The following PTPDC1 variants were observed in gnomAD, a reference collection of about 807,000 sequenced individuals.
PTPDC1 encodes the protein protein tyrosine phosphatase domain containing 1, also known as protein tyrosine phosphatase domain-containing protein 1.
In PTPDC1, 53 loss-of-function variants were observed where a neutral mutation model predicts 75.3. The observed-to-expected ratio is 0.70, with a 90% CI of 0.56 to 0.88. The LOEUF (loss-of-function observed/expected upper bound fraction) is 0.88. Among genes scored for constraint, PTPDC1 ranks in the 40% least tolerant of loss-of-function variants. The pLI is 0.00. For synonymous variants in PTPDC1, 349 were observed against 366.2 expected (o/e 0.95, Z 0.54); for missense variants, 925 against 998.6 (o/e 0.93, Z 0.99).
chr9:94,070,070 G>A (rs1043030766), intron 2 of PTPDC1, among the ~76,000 whole-genome samples: 4 of 151,918 alleles, frequency 2.6e-5, no homozygotes, highest in East Asian at 1.9e-4. Context: ...TGATCCGCCC[G>A]CCTCTGCCTC....
chr9:94,077,940 C>G (rs1025540808), intron 2 of PTPDC1, among the ~76,000 whole-genome samples: 1 of 152,180 alleles, frequency 6.6e-6, no homozygotes, highest in Non-Finnish European at 1.5e-5. Context: ...AATTGTATGC[C>G]AAGAAACAGG....
upstream of PTPDC1, chr9:94,084,340 T>C (rs1826986540): frequency 2.9e-6 from 2 of 701,262 alleles, no homozygotes; most frequent in Non-Finnish European, 2.1e-6. Context: ...TCTGTTCATA[T>C]TGGATTTTGC....
chr9:94,060,737 G>T (rs1191059486), intron 1 of PTPDC1, among the ~76,000 whole-genome samples: 3 of 152,060 alleles, frequency 2.0e-5, no homozygotes, highest in East Asian at 1.9e-4. Context: ...AATCCCATGA[G>T]AACTCACTCA....
intron 1 of PTPDC1, 143 bp downstream of exon 1, chr9:94,084,917 A>G: frequency 1.6e-6 from 1 of 634,716 alleles, no homozygotes; most frequent in Admixed American, 3.4e-5. Context: ...ATTTTAGTGA[A>G]TATATAAGAG....
chr9:94,075,099 G>A (rs1826640812), intron 2 of PTPDC1, among the ~76,000 whole-genome samples: 1 of 151,114 alleles, frequency 6.6e-6, no homozygotes, highest in Admixed American at 6.6e-5. Flanking sequence ...CCCTGGCAGA[G>A]GAACTGCAGC....
At chr9:94,075,155 TCAC>T (rs1274085476) in intron 2 of PTPDC1, among the ~76,000 whole-genome samples, 1 of 152,144 alleles carries the variant, frequency 6.6e-6, no homozygotes, top group Non-Finnish European at 1.5e-5. Flanking sequence ...TCTGCTCAGG[TCAC>T]CACCACCACC....
At chr9:94,088,026 A>T in intron 3 of PTPDC1, 115 bp downstream of exon 3, 2 of 1,449,864 alleles carry the variant, frequency 1.4e-6, no homozygotes, top group Non-Finnish European at 1.9e-6. Context: ...TGAAGAGTGT[A>T]TTTCAAATGA....
chr9:94,086,612 A>G (rs1358127496), intron 2 of PTPDC1, among the ~76,000 whole-genome samples: 2 of 152,216 alleles, frequency 1.3e-5, no homozygotes, highest in Non-Finnish European at 2.9e-5. Flanking sequence ...AGAAATTTGA[A>G]CAGAACAGAG....
At chr9:94,104,244 A>G (rs1400498128) in intron 7 of PTPDC1, 31 bp from the exon 8 acceptor site, 63 of 1,550,880 alleles carry the variant, frequency 4.1e-5, no homozygotes, top group Non-Finnish European at 5.6e-5. Context: ...TTTTTGAAAA[A>G]TTTTTTAAAT....
chr9:94,037,652 G>A (rs903455642), intron 1 of PTPDC1, among the ~76,000 whole-genome samples: 1 of 151,928 alleles, frequency 6.6e-6, no homozygotes, highest in African/African-American at 2.4e-5. Flanking sequence ...TACTGTACAG[G>A]ATAAATTCAG....
At chr9:94,075,726 A>G (rs1826663126) in intron 2 of PTPDC1, among the ~76,000 whole-genome samples, 1 of 152,184 alleles carries the variant, frequency 6.6e-6, no homozygotes, top group Non-Finnish European at 1.5e-5. Context: ...AGGATGAGGA[A>G]TGGGGCAACT....
upstream of PTPDC1, among the ~76,000 whole-genome samples, chr9:94,080,211 A>AG (rs1343456043): frequency 2.0e-5 from 3 of 152,302 alleles, no homozygotes; most frequent in Admixed American, 2.0e-4. Context: ...AGGAGGGAGC[A>AG]GAGGTAGTGA....
chr9:94,062,008 A>G (rs1826157989), intron 1 of PTPDC1, among the ~76,000 whole-genome samples: 1 of 152,186 alleles, frequency 6.6e-6, no homozygotes, highest in South Asian at 2.1e-4. Flanking sequence ...CCAAACTTCT[A>G]TGCTCTGCTT....
chr9:94,086,245 GTCATATTCTGGTCCATCACTA>G (rs1324737795), intron 2 of PTPDC1, among the ~76,000 whole-genome samples: 2 of 152,118 alleles, frequency 1.3e-5, no homozygotes, highest in African/African-American at 4.8e-5. Context: ...TTCACCACAG[GTCATATTCTGGTCCATCACTA>G]TCATACTAAT....
chr9:94,084,862 A>G, intron 1 of PTPDC1, 88 bp downstream of exon 1: 1 of 943,082 alleles, frequency 1.1e-6, no homozygotes, highest in East Asian at 2.5e-5. Flanking sequence ...CTTTTTAAAT[A>G]TTGGCAGTTT....
At chr9:94,031,335 A>C (rs957631321) in intron 1 of PTPDC1, among the ~76,000 whole-genome samples, 2 of 152,120 alleles carry the variant, frequency 1.3e-5, no homozygotes, top group African/African-American at 2.4e-5. Flanking sequence ...GAGAACCCCC[A>C]CGTTCTGGGG....
At chr9:94,058,645 G>C (rs1416252930) in intron 1 of PTPDC1, among the ~76,000 whole-genome samples, 2 of 152,008 alleles carry the variant, frequency 1.3e-5, no homozygotes, top group Admixed American at 1.3e-4. Flanking sequence ...GGGGGAAGTT[G>C]CAGTGAGCCG....
chr9:94,094,336 T>G (rs1296451401), intron 4 of PTPDC1, among the ~76,000 whole-genome samples: 1 of 120,816 alleles, frequency 8.3e-6, no homozygotes, highest in East Asian at 2.4e-4. Flanking sequence ...TGGAATACCC[T>G]GCCGTGTGAG....
At chr9:94,073,277 T>C (rs1826576627) in intron 2 of PTPDC1, among the ~76,000 whole-genome samples, 1 of 152,144 alleles carries the variant, frequency 6.6e-6, no homozygotes, top group Non-Finnish European at 1.5e-5. Flanking sequence ...GATCCATTTC[T>C]TCTAAGTTGT....
Sources: gnomAD v4.1 joint callset for allele counts (sites outside exome capture counted in the v4.1 genomes callset) on GRCh38, gnomAD v4.1.1 for gene constraint, MANE v1.5 for transcripts, NCBI Gene and HGNC (gene_info 2026-07-23, HGNC 2026-07-21) for gene names.